Variants in CABLES1 observed in about 807,000 individuals in gnomAD.
CABLES1 encodes the protein CDK5 and ABL1 enzyme substrate 1.
A neutral mutation model predicts 57.8 loss-of-function variants in CABLES1; 36 were observed. That is an observed-to-expected ratio of 0.62 (90% CI 0.48 to 0.82). The LOEUF (loss-of-function observed/expected upper bound fraction) is 0.82, where lower values mean the gene tolerates loss of function less well. CABLES1 is among the 40% of genes least tolerant of loss of function. CABLES1 has a pLI of 0.00. For synonymous variants in CABLES1, 374 were observed against 363.0 expected (o/e 1.03, Z -0.35); for missense variants, 767 against 836.6 (o/e 0.92, Z 1.03).
rs111420527 is a variant in CABLES1 at position 23,228,061 on chromosome 18, C to T, written c.1089-6547C>T. Among the ~76,000 whole-genome samples the T allele has an allele frequency of 5.8e-3, 887 of 152,258 alleles. 5 individuals carry two copies. Among genetic ancestry groups the T allele is most frequent in the South Asian group, 0.013 (64 of 4,818 alleles). On this transcript the variant is annotated intron_variant, in intron 4 of 9. Coordinates refer to ENST00000256925, the MANE Select transcript of CABLES1 (RefSeq NM_001100619.3). The stretch of plus-strand genomic sequence containing the variant: ...TTGGAACCTAGTTAATTGGATCACA[C>T]TTTTTCCATCTAGTTTCCAGGTGTT...
chr18:23,205,765 A>T (rs1359674454), intron 3 of CABLES1, among the ~76,000 whole-genome samples: 1 of 152,204 alleles, frequency 6.6e-6, no homozygotes, highest in Non-Finnish European at 1.5e-5. Flanking sequence ...TGGCCGAGGC[A>T]GGAGGATCAC....
intron 1 of CABLES1, among the ~76,000 whole-genome samples, chr18:23,181,066 G>A (rs1022677126): frequency 1.3e-5 from 2 of 152,136 alleles, no homozygotes; most frequent in Non-Finnish European, 1.5e-5. Context: ...AGTCTATAAG[G>A]TTGAAGTGGG....
At chr18:23,242,709 A>G (rs987864410) in intron 7 of CABLES1, among the ~76,000 whole-genome samples, 6 of 151,636 alleles carry the variant, frequency 4.0e-5, no homozygotes, top group Admixed American at 1.3e-4. Flanking sequence ...AAAACCGACT[A>G]ACATTGTTTA....
chr18:23,253,339 C>T (rs1020279772), intron 8 of CABLES1, among the ~76,000 whole-genome samples: 2 of 152,134 alleles, frequency 1.3e-5, no homozygotes, highest in Non-Finnish European at 2.9e-5. Flanking sequence ...AAAAATTAGC[C>T]AGGCATGGTG....
chr18:23,164,331 G>T (rs1391687183), intron 1 of CABLES1, among the ~76,000 whole-genome samples: 2 of 152,168 alleles, frequency 1.3e-5, no homozygotes, highest in Non-Finnish European at 2.9e-5. Flanking sequence ...GGTCGACGTG[G>T]GCCAGTGCCC....
rs537687185 is a variant in CABLES1, at chr18:23,169,505, T to A, written c.846-19333T>A. ...AACATATGACATGAAACACCAGACA[T>A]TTCACAGAGAAGTGCCTGGTCTGTC... On this transcript the variant is annotated intron_variant, in intron 1 of 9. Coordinates refer to ENST00000256925, the MANE Select transcript of CABLES1 (RefSeq NM_001100619.3). Among the ~76,000 whole-genome samples, 135 of 152,288 alleles carry A rather than the reference T, an allele frequency of 8.9e-4. 3 individuals are homozygous for A. The South Asian group carries it at 0.015, about 16-fold the overall frequency.
intron 7 of CABLES1, among the ~76,000 whole-genome samples, chr18:23,242,627 G>GT (rs1283614953): frequency 2.0e-5 from 3 of 152,152 alleles, no homozygotes. Flanking sequence ...ACAAAATTCA[G>GT]TTACCTGAAT....
rs967509930 is a variant in CABLES1, at chr18:23,260,405, C to A, written c.*3038C>A. ...GTGACGGGAGTAAGGAGCTTCCTTCCCCTCCATGTCATTCCTTCCTGTTCC... is the reference window on the plus strand; with the variant it reads ...GTGACGGGAGTAAGGAGCTTCCTTCACCTCCATGTCATTCCTTCCTGTTCC... On this transcript the variant is annotated 3_prime_UTR_variant, in exon 10 of 10. Coordinates refer to ENST00000256925, the MANE Select transcript of CABLES1 (RefSeq NM_001100619.3). The A allele has an allele frequency of 1.3e-5, 2 of 152,252 alleles. No individual in the cohort carries two copies. The highest frequency in any genetic ancestry group is 4.1e-4 in the South Asian group (2 of 4,830). The allele number at this position is 152,252 out of a possible 1,614,324, so 9.4% of individuals were successfully genotyped here.
chr18:23,249,539 G>A (rs922214644), intron 7 of CABLES1, among the ~76,000 whole-genome samples: 1 of 152,224 alleles, frequency 6.6e-6, no homozygotes, highest in Non-Finnish European at 1.5e-5. Flanking sequence ...CTGGAGCAGA[G>A]TCCAGACTTG....
intron 1 of CABLES1, among the ~76,000 whole-genome samples, chr18:23,181,463 T>C (rs55775858): frequency 0.044 from 5,042 of 114,870 alleles, 122 homozygotes; most frequent in Middle Eastern, 0.16. Flanking sequence ...ACCATTGCAC[T>C]CCAGCCTGGG....
At chr18:23,256,941 T>C (rs2048181894) in intron 9 of CABLES1, among the ~76,000 whole-genome samples, 1 of 152,198 alleles carries the variant, frequency 6.6e-6, no homozygotes, top group Non-Finnish European at 1.5e-5. Flanking sequence ...ATCTGTAAAA[T>C]AGAGATACGG....
chr18:23,241,895 C>A (rs985300949), intron 7 of CABLES1, among the ~76,000 whole-genome samples: 3 of 152,124 alleles, frequency 2.0e-5, no homozygotes, highest in African/African-American at 7.2e-5. Context: ...GCCTTGCACC[C>A]ATATCTGTAT....
At position 23,257,693 on chromosome 18, in the gene CABLES1, T is replaced by G. The variant is rs2048200743; in HGVS notation, c.*326T>G. Reference sequence around the variant, plus strand: ...GCATTCACAAACTTTGCAAGCGTGGTCCAGGGCCTTCTCCAGATCTGTTCC... The same window carrying G: ...GCATTCACAAACTTTGCAAGCGTGGGCCAGGGCCTTCTCCAGATCTGTTCC... On this transcript the variant is annotated 3_prime_UTR_variant, in exon 10 of 10. Transcript: ENST00000256925. The G allele has an allele frequency of 8.4e-6, 2 of 239,384 alleles. No homozygotes were observed. Among genetic ancestry groups the G allele is most frequent in the Non-Finnish European group, 1.6e-5 (2 of 127,060 alleles). The allele number at this position is 239,384 out of a possible 1,614,324, so 14.8% of individuals were successfully genotyped here.
At chr18:23,209,830 G>A (rs1056042721) in intron 3 of CABLES1, among the ~76,000 whole-genome samples, 2 of 121,674 alleles carry the variant, frequency 1.6e-5, no homozygotes, top group African/African-American at 3.0e-5. Context: ...GGCTGAGGGG[G>A]TAAAAACAGA....
At chr18:23,231,634 C>T (rs1371521035) in intron 4 of CABLES1, among the ~76,000 whole-genome samples, 1 of 152,190 alleles carries the variant, frequency 6.6e-6, no homozygotes, top group East Asian at 1.9e-4. Flanking sequence ...GCCCGTCTTT[C>T]TTGTGGTCCC....
chr18:23,168,614 A>G (rs948441720), intron 1 of CABLES1, among the ~76,000 whole-genome samples: 2 of 152,218 alleles, frequency 1.3e-5, no homozygotes, highest in African/African-American at 4.8e-5. Context: ...GATTTATGCT[A>G]TGTATCTTTT....
At chr18:23,161,754 C>CAA (rs1184010487) in intron 1 of CABLES1, among the ~76,000 whole-genome samples, 335 of 33,138 alleles carry the variant, frequency 0.01, 31 homozygotes, top group African/African-American at 0.021. Context: ...ACTAAAAATC[C>CAA]AAAAAAAAAA....
At chr18:23,232,004 A>C (rs1231628199) in intron 4 of CABLES1, among the ~76,000 whole-genome samples, 2 of 152,196 alleles carry the variant, frequency 1.3e-5, no homozygotes, top group East Asian at 3.8e-4. Flanking sequence ...TGCCATCTGC[A>C]TGTACCAGTA....
chr18:23,208,254 CT>C lies in CABLES1; in HGVS notation c.1011-5720del, dbSNP rs539604009. ...TCTTGGAGCCCCTACCAATTCTCCA[CT>C]TTGCCCTTGTACTCAGATGAGGCAC... is the stretch of plus-strand genomic sequence containing the variant. On this transcript the variant is annotated intron_variant, in intron 3 of 9. Coordinates refer to ENST00000256925, the MANE Select transcript of CABLES1 (RefSeq NM_001100619.3). 2.4e-3 allele frequency among the ~76,000 whole-genome samples: 364 copies of C among 152,396 alleles called. 1 individual carries two copies. The highest frequency in any genetic ancestry group is 4.1e-3 in the Admixed American group (63 of 15,310).
Sources: allele counts gnomAD v4.1 joint callset (sites outside exome capture counted in the v4.1 genomes callset), GRCh38; gene constraint gnomAD v4.1.1; transcripts MANE v1.5; gene names NCBI Gene and HGNC (gene_info 2026-07-23, HGNC 2026-07-21).